The following DCC variants were observed in gnomAD, a reference collection of about 807,000 sequenced individuals.
The protein encoded by DCC is netrin receptor DCC.
A neutral mutation model predicts 172.5 loss-of-function variants in DCC; 58 were observed. The observed-to-expected ratio is 0.34, with a 90% CI of 0.27 to 0.42. DCC has a LOEUF of 0.42. DCC is among the 10% of genes least tolerant of loss of function. The pLI is 1.00. For synonymous variants in DCC, 709 were observed against 644.5 expected, an observed-to-expected ratio of 1.10 and a Z score of -1.52; for missense variants, 1,740 against 1,791.0, an observed-to-expected ratio of 0.97 and a Z score of 0.51.
chr18:52,588,058 A>C (rs952780945), intron 1 of DCC, among the ~76,000 whole-genome samples: 3 of 152,214 alleles, frequency 2.0e-5, no homozygotes, highest in African/African-American at 7.2e-5. Context: ...CATGACAGGC[A>C]GTTCAGGTTG....
chr18:52,389,567 C>T (rs1044911264), intron 1 of DCC, among the ~76,000 whole-genome samples: 2 of 152,050 alleles, frequency 1.3e-5, no homozygotes, highest in African/African-American at 2.4e-5. Context: ...TATTGTAATA[C>T]TTTATATGGT....
chr18:53,346,401 A>G (rs1254561520), intron 15 of DCC, among the ~76,000 whole-genome samples: 3 of 152,140 alleles, frequency 2.0e-5, no homozygotes, highest in Non-Finnish European at 2.9e-5. Context: ...CTCTGAGACT[A>G]TAATTATATG....
intron 1 of DCC, among the ~76,000 whole-genome samples, chr18:52,602,677 C>T (rs1332536208): frequency 6.9e-6 from 1 of 145,908 alleles, no homozygotes; most frequent in Non-Finnish European, 1.6e-5. Flanking sequence ...GGTGCAAATA[C>T]AAAAGAGACG....
intron 22 of DCC, among the ~76,000 whole-genome samples, chr18:53,441,013 C>G (rs966164674): frequency 2.0e-5 from 3 of 152,226 alleles, no homozygotes; most frequent in Non-Finnish European, 4.4e-5. Flanking sequence ...TGTTTAGCAG[C>G]ATCTCTGGCC....
intron 1 of DCC, among the ~76,000 whole-genome samples, chr18:52,600,750 A>C (rs1320436627): frequency 6.6e-6 from 1 of 152,102 alleles, no homozygotes; most frequent in Non-Finnish European, 1.5e-5. Context: ...TAACTAGGCC[A>C]CTTGTTTTTA....
At chr18:53,508,180 A>G (rs76667845) in intron 27 of DCC, among the ~76,000 whole-genome samples, 8,044 of 150,370 alleles carry the variant, frequency 0.053, 629 homozygotes, top group African/African-American at 0.17. Flanking sequence ...GGCATGAGCC[A>G]CCGCGCCCGG....
chr18:53,313,771 C>T (rs983170151), intron 13 of DCC, among the ~76,000 whole-genome samples: 3 of 152,162 alleles, frequency 2.0e-5, no homozygotes, highest in Non-Finnish European at 4.4e-5. Flanking sequence ...TAGCATAGGG[C>T]ATGTGGGCCT....
At chr18:52,451,153 A>G (rs1318452556) in intron 1 of DCC, among the ~76,000 whole-genome samples, 1 of 152,136 alleles carries the variant, frequency 6.6e-6, no homozygotes, top group African/African-American at 2.4e-5. Context: ...GACCCAAAGT[A>G]TGTCTTTCCT....
chr18:52,451,928 T>C (rs1988318490), intron 1 of DCC, among the ~76,000 whole-genome samples: 1 of 152,292 alleles, frequency 6.6e-6, no homozygotes, highest in East Asian at 1.9e-4. Flanking sequence ...TCTCTCTAGG[T>C]GATTCTGATA....
chr18:52,852,042 A>C (rs2038983135), intron 2 of DCC, among the ~76,000 whole-genome samples: 1 of 152,126 alleles, frequency 6.6e-6, no homozygotes, highest in South Asian at 2.1e-4. Context: ...TTATTTTTCC[A>C]AATTTCAATA....
chr18:52,404,648 C>CT (rs1268594870), intron 1 of DCC, among the ~76,000 whole-genome samples: 1 of 142,656 alleles, frequency 7.0e-6, no homozygotes, highest in Non-Finnish European at 1.5e-5. Flanking sequence ...ATGGAGTTTT[C>CT]TTTTTTGTTT....
chr18:52,380,095 G>C (rs527725468), intron 1 of DCC, among the ~76,000 whole-genome samples: 1 of 152,040 alleles, frequency 6.6e-6, no homozygotes, highest in African/African-American at 2.4e-5. Flanking sequence ...AGATGAAAAG[G>C]CAAAATGGAC....
chr18:52,864,824 A>G (rs1320380114), intron 2 of DCC, among the ~76,000 whole-genome samples: 1 of 150,798 alleles, frequency 6.6e-6, no homozygotes, highest in African/African-American at 2.4e-5. Flanking sequence ...GATGGTTTCC[A>G]GCTTCATCCA....
chr18:53,104,863 A>C (rs2043222291), intron 7 of DCC, among the ~76,000 whole-genome samples: 1 of 151,960 alleles, frequency 6.6e-6, no homozygotes, highest in Non-Finnish European at 1.5e-5. Context: ...TATCATTTAG[A>C]TCTCCTGTCT....
chr18:53,345,795 G>A (rs1246555683), intron 15 of DCC, among the ~76,000 whole-genome samples: 2 of 149,004 alleles, frequency 1.3e-5, no homozygotes, highest in Non-Finnish European at 3.0e-5. Context: ...CTTTCAAGTT[G>A]TTGTCTCTCT....
intron 7 of DCC, among the ~76,000 whole-genome samples, chr18:53,068,489 G>T (rs1001815464): frequency 7.1e-6 from 1 of 141,020 alleles, no homozygotes; most frequent in Admixed American, 7.9e-5. Flanking sequence ...TGGCTGCTAC[G>T]CCAGTCACAG....
chr18:52,924,624 C>T (rs2040173663), intron 4 of DCC, among the ~76,000 whole-genome samples: 1 of 151,940 alleles, frequency 6.6e-6, no homozygotes, highest in Admixed American at 6.6e-5. Context: ...TGGTATTCTC[C>T]TTTTTAACAT....
chr18:52,760,320 C>A (rs376624701), intron 2 of DCC, among the ~76,000 whole-genome samples: 9 of 152,128 alleles, frequency 5.9e-5, no homozygotes, highest in African/African-American at 1.2e-4. Context: ...GGGGAACAAC[C>A]CCCATGGCTC....
intron 1 of DCC, among the ~76,000 whole-genome samples, chr18:52,691,694 C>T (rs1365079266): frequency 6.6e-6 from 1 of 152,110 alleles, no homozygotes; most frequent in African/African-American, 2.4e-5. Flanking sequence ...TGCAAAGACT[C>T]TGTCTCCAAA....
Sources: gnomAD v4.1 joint callset for allele counts (sites outside exome capture counted in the v4.1 genomes callset) on GRCh38, gnomAD v4.1.1 for gene constraint, MANE v1.5 for transcripts, NCBI Gene and HGNC (gene_info 2026-07-23, HGNC 2026-07-21) for gene names.